The following EPN1 variants were observed in gnomAD, a reference collection of about 807,000 sequenced individuals.
The protein encoded by EPN1 is epsin 1, also known as epsin-1.
A neutral mutation model predicts 56.9 loss-of-function variants in EPN1; 25 were observed. The ratio of observed to expected loss-of-function variants is 0.44; its 90% CI spans 0.32 to 0.61. The LOEUF is 0.61. Among genes scored for constraint, EPN1 ranks in the 20% least tolerant of loss-of-function variants. EPN1 has a pLI of 0.05. For missense variants in EPN1, 785 were observed against 823.7 expected, an observed-to-expected ratio of 0.95 and a Z score of 0.58; for synonymous variants, 411 against 361.8, an observed-to-expected ratio of 1.14 and a Z score of -1.54.
rs1986042639 is a variant in EPN1 at position 55,684,646 on chromosome 19, CT to C, written c.229-749del. On this transcript the variant is annotated intron_variant, in intron 2 of 10. Transcript: ENST00000270460. ...GGCCTACACAGGCCCTTGCGTGGAT[CT>C]CTTCCCTTCTTGCAGAGGTGATAAA... Among the ~76,000 whole-genome samples the C allele has an allele frequency of 1.3e-5, 2 of 152,214 alleles. 1 individual carries two copies. Among genetic ancestry groups the C allele is most frequent in the South Asian group, 4.1e-4 (2 of 4,834 alleles).
At chr19:55,680,358 C>T (rs1351009715) in intron 2 of EPN1, among the ~76,000 whole-genome samples, 1 of 152,164 alleles carries the variant, frequency 6.6e-6, no homozygotes, top group East Asian at 1.9e-4. Flanking sequence ...CTGGCTGTTC[C>T]TGCTGTATCC....
In EPN1 at chr19:55,709,061, A is replaced by T; in HGVS notation, c.*13705A>T. The T allele has an allele frequency of 6.4e-7, 1 of 1,552,176 alleles. No individual in the cohort carries two copies. The highest frequency in any genetic ancestry group is 1.4e-5 in the African/African-American group (1 of 70,718). Reference sequence around the variant, plus strand: ...TTGTGCAGCCTGGGAAAATAGAAATAAAGTTTTTTTTTTTGTTTTTCATTT... The same window carrying T: ...TTGTGCAGCCTGGGAAAATAGAAATTAAGTTTTTTTTTTTGTTTTTCATTT... On this transcript the variant is annotated 3_prime_UTR_variant, in exon 11 of 11. Transcript: ENST00000270460.
rs1435922797 is a variant in EPN1 at position 55,675,294 on chromosome 19, G to C, written c.-243G>C. The C allele has an allele frequency of 6.6e-6, 1 of 152,002 alleles. No individual in the cohort carries two copies. Among genetic ancestry groups the C allele is most frequent in the Admixed American group, 6.5e-5 (1 of 15,268 alleles). The allele number at this position is 152,002 out of a possible 1,614,324, so 9.4% of individuals were successfully genotyped here. ...CTCTCCGCGCCCCTTCTGGGCGGCG[G>C]GGCGGCGGAGCCGTCGGCGTGCGGC... On this transcript the variant is annotated 5_prime_UTR_variant, in exon 1 of 11. Transcript: ENST00000270460.
rs1254150058 is a variant in EPN1 at position 55,706,241 on chromosome 19, CTT to C, written c.*10889_*10890del. The C allele has an allele frequency of 4.3e-5, 6 of 140,484 alleles. No individual in the cohort carries two copies. The highest frequency in any genetic ancestry group is 1.4e-4 in the Admixed American group (2 of 13,914). The allele number at this position is 140,484 out of a possible 1,614,324, so 8.7% of individuals were successfully genotyped here. On this transcript the variant is annotated 3_prime_UTR_variant, in exon 11 of 11. Coordinates refer to ENST00000270460, the MANE Select transcript of EPN1 (RefSeq NM_001130072.2). ...TCTTCCTTTCCTCCTCTTTCTTCTC[CTT>C]TTTCCTCCTCTTTTCTTCCTTTCTT...
chr19:55,693,794 T>C (rs1030863381), intron 9 of EPN1, among the ~76,000 whole-genome samples: 1 of 152,014 alleles, frequency 6.6e-6, no homozygotes, highest in Non-Finnish European at 1.5e-5. Context: ...CACGCTTCCC[T>C]CCTCTCATTA....
rs1358783079 is a variant in EPN1 at position 55,692,720 on chromosome 19, T to A, written c.1101T>A (p.Asp367Glu). The A allele has an allele frequency of 6.4e-7, 1 of 1,562,592 alleles. No individual in the cohort carries two copies. Among genetic ancestry groups the A allele is most frequent in the Non-Finnish European group, 8.7e-7 (1 of 1,153,866 alleles). The stretch of plus-strand genomic sequence containing the variant: ...CGGTCAGTGGGCCCTCAGCCTCCGA[T>A]CCCTGGACACCGGCCCCGGCCTTCT... ...GVPVSGPSASDPWTPAPAFSD... is the reference protein window; with the variant it reads ...GVPVSGPSASEPWTPAPAFSD... Residue 367 changes from aspartate (D) to glutamate (E), a missense_variant, in exon 8 of 11, where the codon GAT becomes GAA. By Grantham distance (45) the Asp-to-Glu change is conservative (BLOSUM62 2). Around this residue, in one of 2 missense-constraint regions of EPN1, gnomAD observed 650 missense variants for 605.0 expected, o/e 1.07. Coordinates refer to ENST00000270460, the MANE Select transcript of EPN1 (RefSeq NM_001130072.2).
rs1320424521 is a variant in EPN1, at chr19:55,695,117, A to G, written c.1523-31A>G. 3.7e-6 allele frequency: 6 copies of G among 1,612,784 alleles called. No individual in the cohort carries two copies. The highest frequency in any genetic ancestry group is 3.3e-5 in the South Asian group (3 of 91,020). ...ACAGGTGGGCTGCGCCACTGACTCC[A>G]CTCCGTGTCTCTGGTTTACTCTTCC... is the stretch of plus-strand genomic sequence containing the variant. On this transcript the variant is annotated intron_variant, in intron 10 of 10. Coordinates refer to ENST00000270460, the MANE Select transcript of EPN1 (RefSeq NM_001130072.2). The surrounding 1 kb of genome is among the most constrained non-coding windows in gnomAD (Gnocchi z 4.4).
intron 2 of EPN1, among the ~76,000 whole-genome samples, chr19:55,679,108 C>T (rs1345853806): frequency 6.6e-6 from 1 of 152,238 alleles, no homozygotes; most frequent in Non-Finnish European, 1.5e-5. Flanking sequence ...AGAGGGCCCA[C>T]GGTGCCCATC....
rs1987507604 is a variant in EPN1 at position 55,707,908 on chromosome 19, G to T, written c.*12552G>T. 1 of 153,410 alleles carries T rather than the reference G, an allele frequency of 6.5e-6. No homozygotes were observed. The highest frequency in any genetic ancestry group is 1.5e-5 in the Non-Finnish European group (1 of 68,240). 9.5% of individuals were successfully genotyped at this position (153,410 alleles called of 1,614,324 possible). On this transcript the variant is annotated 3_prime_UTR_variant, in exon 11 of 11. Coordinates refer to ENST00000270460, the MANE Select transcript of EPN1 (RefSeq NM_001130072.2). ...TCCGCCCGCGTGGACCTCCCAAAGT[G>T]CTGGAATTACAGGCGTGAGCCACCA...
chr19:55,706,443 G>C lies in EPN1; in HGVS notation c.*11087G>C, dbSNP rs1353048100. 4 of 152,200 alleles carry C rather than the reference G, an allele frequency of 2.6e-5. No individual in the cohort carries two copies. The highest frequency in any genetic ancestry group is 2.0e-4 in the Admixed American group (3 of 15,230). The allele number at this position is 152,200 out of a possible 1,614,324, so 9.4% of individuals were successfully genotyped here. On this transcript the variant is annotated 3_prime_UTR_variant, in exon 11 of 11. Coordinates refer to ENST00000270460, the MANE Select transcript of EPN1 (RefSeq NM_001130072.2). Reference sequence around the variant, plus strand: ...GAGGCGGGTGGATCACCTGAGGTTGGGAGTTCGAGACCAGCCTGGCCGACA... The same window carrying C: ...GAGGCGGGTGGATCACCTGAGGTTGCGAGTTCGAGACCAGCCTGGCCGACA...
chr19:55,709,064 GTTTT>G lies in EPN1; in HGVS notation c.*13716_*13719del. 1 of 1,260,658 alleles carries G rather than the reference GTTTT, an allele frequency of 7.9e-7. No homozygotes were observed. The highest frequency in any genetic ancestry group is 1.1e-6 in the Non-Finnish European group (1 of 935,718). 78.1% of individuals were successfully genotyped at this position (1,260,658 alleles called of 1,614,324 possible). On this transcript the variant is annotated 3_prime_UTR_variant, in exon 11 of 11. Transcript: ENST00000270460. Reference sequence around the variant, plus strand: ...TGCAGCCTGGGAAAATAGAAATAAAGTTTTTTTTTTTGTTTTTCATTTTTACACA... The same window carrying G: ...TGCAGCCTGGGAAAATAGAAATAAAGTTTTTTTGTTTTTCATTTTTACACA...
chr19:55,684,199 A>G (rs1394523944), intron 2 of EPN1, among the ~76,000 whole-genome samples: 1 of 152,194 alleles, frequency 6.6e-6, no homozygotes, highest in African/African-American at 2.4e-5. Flanking sequence ...GTGAGGAGAT[A>G]TGAATGGCCC....
At chr19:55,692,817 A>C in intron 8 of EPN1, 21 bp downstream of exon 8, 1 of 1,585,752 alleles carries the variant, frequency 6.3e-7, no homozygotes, top group Middle Eastern at 1.7e-4. Flanking sequence ...GGGGGTGGGA[A>C]TGGAGCCCCG....
chr19:55,703,244 A>C lies in EPN1; in HGVS notation c.*7888A>C, dbSNP rs1360872434. On this transcript the variant is annotated 3_prime_UTR_variant, in exon 11 of 11. Transcript: ENST00000270460. ...TGGACAACACTGTCCGGAGGGGCCT[A>C]AGTGGGAAGTGCCCTCAACCAAGGA... 1 of 152,250 alleles carries C rather than the reference A, an allele frequency of 6.6e-6. No individual in the cohort carries two copies. The highest frequency in any genetic ancestry group is 2.4e-5 in the African/African-American group (1 of 41,404). 9.4% of individuals were successfully genotyped at this position (152,250 alleles called of 1,614,324 possible). A position where few individuals can be genotyped will look rare whatever the true frequency, so the allele number is the denominator to read the frequency against.
rs1413763632 is a variant in EPN1 at position 55,691,995 on chromosome 19, G to C, written c.1004G>C (p.Gly335Ala). 6.7e-7 allele frequency: 1 copy of C among 1,489,106 alleles called. No homozygotes were observed. The highest frequency in any genetic ancestry group is 2.4e-5 in the East Asian group (1 of 42,244). 92.2% of individuals were successfully genotyped at this position (1,489,106 alleles called of 1,614,324 possible). A position where few individuals can be genotyped will look rare whatever the true frequency, so the allele number is the denominator to read the frequency against. ...GCAGGACCCTCAGTTGACCCTTGGGGTGGGACCCCAGCCCCTGCAGCTGGG... is the reference window on the plus strand; with the variant it reads ...GCAGGACCCTCAGTTGACCCTTGGGCTGGGACCCCAGCCCCTGCAGCTGGG... Reference protein sequence around the residue: ...APAGPSVDPWGGTPAPAAGEG... With the variant: ...APAGPSVDPWAGTPAPAAGEG... Residue 335 changes from glycine to alanine, a missense_variant, in exon 7 of 11, where the codon GGT becomes GCT. Around this residue, in one of 2 missense-constraint regions of EPN1, gnomAD observed 650 missense variants for 605.0 expected, o/e 1.07. Coordinates refer to ENST00000270460, the MANE Select transcript of EPN1 (RefSeq NM_001130072.2). The surrounding 1 kb of genome is among the most constrained non-coding windows in gnomAD (Gnocchi z 5.6).
rs533218675 is a variant in EPN1 at position 55,694,626 on chromosome 19, C to G, written c.1265-100C>G. On this transcript the variant is annotated intron_variant, in intron 9 of 10. Coordinates refer to ENST00000270460, the MANE Select transcript of EPN1 (RefSeq NM_001130072.2). This position sits in a 1 kb window ranked among gnomAD's most constrained non-coding sequence, Gnocchi z 4.2. The stretch of plus-strand genomic sequence containing the variant: ...CCTCCTTCCCGAGGCCTCTGGGCAC[C>G]GGGCTCTTTGAAGCGCCCCCTATGA... The G allele has an allele frequency of 1.4e-6, 2 of 1,388,424 alleles. No individual in the cohort carries two copies. The highest frequency in any genetic ancestry group is 4.9e-5 in the East Asian group (2 of 40,712). 86.0% of individuals were successfully genotyped at this position (1,388,424 alleles called of 1,614,324 possible).
rs1002301267 is a variant in EPN1, at chr19:55,704,895, T to A, written c.*9539T>A. Reference sequence around the variant, plus strand: ...GGAAATAAGCATCGCAAGTGATCCGTAGAATGGTAGACATCATCCACTTCC... The same window carrying A: ...GGAAATAAGCATCGCAAGTGATCCGAAGAATGGTAGACATCATCCACTTCC... On this transcript the variant is annotated 3_prime_UTR_variant, in exon 11 of 11. Transcript: ENST00000270460. 1 of 152,316 alleles carries A rather than the reference T, an allele frequency of 6.6e-6. No homozygotes were observed. Among genetic ancestry groups the A allele is most frequent in the Non-Finnish European group, 1.5e-5 (1 of 68,118 alleles). 9.4% of individuals were successfully genotyped at this position (152,316 alleles called of 1,614,324 possible).
Position 55,688,889 on chromosome 19 carries a change from C to T in EPN1, c.498C>T (p.Gly166=). 6.3e-7 allele frequency: 1 copy of T among 1,579,086 alleles called. No individual in the cohort carries two copies. Among genetic ancestry groups the T allele is most frequent in the South Asian group, 1.2e-5 (1 of 86,264 alleles). The part of the protein sequence containing the change: ...QTATASSAAV[G]SGPPPEAEQA... ...CTCCAGCCTCATCAGCAGCTGTGGG[C>T]TCAGGCCCCCCTCCCGAGGCGGAGC... is the stretch of plus-strand genomic sequence containing the variant. The change falls in exon 4 of 11, where the codon GGC becomes GGT. Residue 166 remains glycine (G), a synonymous_variant. Coordinates refer to ENST00000270460, the MANE Select transcript of EPN1 (RefSeq NM_001130072.2).
At position 55,689,092 on chromosome 19, in the gene EPN1, G is replaced by GCTGCTCCACATGCTGTCA; in HGVS notation, c.603+101_603+118dup. On this transcript the variant is annotated intron_variant, in intron 4 of 10. Transcript: ENST00000270460. This position sits in a 1 kb window ranked among gnomAD's most constrained non-coding sequence, Gnocchi z 5.7. ...AGGCGTGGGCCTGGCCCTCACTGTCGCTGCTCCACATGCTGTCACTCGTCT... is the reference window on the plus strand; with the variant it reads ...AGGCGTGGGCCTGGCCCTCACTGTCGCTGCTCCACATGCTGTCACTGCTCCACATGCTGTCACTCGTCT... 7.0e-7 allele frequency: 1 copy of GCTGCTCCACATGCTGTCA among 1,436,764 alleles called. No individual in the cohort carries two copies. The highest frequency in any genetic ancestry group is 9.2e-7 in the Non-Finnish European group (1 of 1,083,876). 89.0% of individuals were successfully genotyped at this position (1,436,764 alleles called of 1,614,324 possible). A position where few individuals can be genotyped will look rare whatever the true frequency, so the allele number is the denominator to read the frequency against.
Sources: allele counts gnomAD v4.1 joint callset (sites outside exome capture counted in the v4.1 genomes callset), GRCh38; gene constraint gnomAD v4.1.1; regional missense constraint gnomAD v4.1.1; non-coding constraint Gnocchi (gnomAD v3.1); transcripts MANE v1.5; gene names NCBI Gene and HGNC (gene_info 2026-07-23, HGNC 2026-07-21).